The following HS3ST4 variants were observed in gnomAD, a reference collection of about 807,000 sequenced individuals.
HS3ST4 encodes the protein heparan sulfate-glucosamine 3-sulfotransferase 4, also known as heparan sulfate glucosamine 3-O-sulfotransferase 4.
In HS3ST4, 17 loss-of-function variants were observed where a neutral mutation model predicts 29.2. The ratio of observed to expected loss-of-function variants is 0.58; its 90% CI spans 0.40 to 0.87. The LOEUF is 0.87. Among genes scored for constraint, HS3ST4 ranks in the 40% least tolerant of loss-of-function variants. HS3ST4 has a pLI of 0.00. For missense variants in HS3ST4, 627 were observed against 634.5 expected, an observed-to-expected ratio of 0.99 and a Z score of 0.13; for synonymous variants, 314 against 285.7, an observed-to-expected ratio of 1.10 and a Z score of -1.00.
chr16:26,128,997 C>G (rs528470941), intron 1 of HS3ST4, among the ~76,000 whole-genome samples: 2 of 152,294 alleles, frequency 1.3e-5, no homozygotes, highest in African/African-American at 4.8e-5. Context: ...TGTAAGATGC[C>G]CACACACCTC....
intron 1 of HS3ST4, among the ~76,000 whole-genome samples, chr16:26,005,670 G>A (rs1969251121): frequency 6.6e-6 from 1 of 151,886 alleles, no homozygotes; most frequent in South Asian, 2.1e-4. Flanking sequence ...ACACCATCAT[G>A]GTGTCCCTGG....
At chr16:25,760,068 G>A (rs998365050) in intron 1 of HS3ST4, among the ~76,000 whole-genome samples, 1 of 152,086 alleles carries the variant, frequency 6.6e-6, no homozygotes. Flanking sequence ...ACTTCAATCT[G>A]GGAGACTTTG....
chr16:25,709,242 T>C (rs1270853494), intron 1 of HS3ST4, among the ~76,000 whole-genome samples: 1 of 152,154 alleles, frequency 6.6e-6, no homozygotes, highest in East Asian at 1.9e-4. Flanking sequence ...TCCCCAAGTA[T>C]AGGTGGAGAA....
chr16:25,907,049 T>C (rs1042908591), intron 1 of HS3ST4, among the ~76,000 whole-genome samples: 8 of 151,926 alleles, frequency 5.3e-5, no homozygotes, highest in African/African-American at 1.9e-4. Context: ...TTTTAAAAAT[T>C]AGACAGGCAT....
intron 1 of HS3ST4, 84 bp downstream of exon 1, chr16:25,693,235 A>G (rs1966270395): frequency 2.4e-5 from 34 of 1,394,998 alleles, no homozygotes; most frequent in Non-Finnish European, 2.9e-5. Flanking sequence ...CCCTTCGAGC[A>G]TCCAGGCACC....
intron 1 of HS3ST4, among the ~76,000 whole-genome samples, chr16:25,763,021 A>G (rs1262531223): frequency 6.6e-6 from 1 of 152,048 alleles, no homozygotes; most frequent in Non-Finnish European, 1.5e-5. Flanking sequence ...ACACCAAGGT[A>G]CCCAGGAGCC....
At chr16:25,831,048 C>T (rs1967292201) in intron 1 of HS3ST4, among the ~76,000 whole-genome samples, 1 of 152,190 alleles carries the variant, frequency 6.6e-6, no homozygotes, top group African/African-American at 2.4e-5. Context: ...CTTTAGTCTT[C>T]TTTCCTTCTT....
At chr16:25,818,235 T>A (rs1967115098) in intron 1 of HS3ST4, among the ~76,000 whole-genome samples, 2 of 152,190 alleles carry the variant, frequency 1.3e-5, no homozygotes, top group Non-Finnish European at 2.9e-5. Context: ...GGTGGGGCCC[T>A]TGGGGGTGAT....
chr16:26,068,775 A>G (rs769435209), intron 1 of HS3ST4, among the ~76,000 whole-genome samples: 1 of 151,904 alleles, frequency 6.6e-6, no homozygotes, highest in Non-Finnish European at 1.5e-5. Flanking sequence ...CTTTTTTGAT[A>G]TTGTTTTGCT....
At chr16:26,087,930 C>T (rs541980658) in intron 1 of HS3ST4, among the ~76,000 whole-genome samples, 1 of 152,246 alleles carries the variant, frequency 6.6e-6, no homozygotes, top group Non-Finnish European at 1.5e-5. Context: ...ATGCATTCTT[C>T]CCACAGTAGC....
intron 1 of HS3ST4, among the ~76,000 whole-genome samples, chr16:26,012,047 C>T (rs1020553370): frequency 6.6e-6 from 1 of 152,160 alleles, no homozygotes; most frequent in Non-Finnish European, 1.5e-5. Flanking sequence ...ATTAATGCTC[C>T]TTTAATGATT....
At chr16:26,011,145 G>C (rs1309823535) in intron 1 of HS3ST4, among the ~76,000 whole-genome samples, 1 of 152,202 alleles carries the variant, frequency 6.6e-6, no homozygotes, top group African/African-American at 2.4e-5. Context: ...TTGGACTAGA[G>C]AGAGGGATTG....
chr16:25,794,612 C>T (rs1029168369), intron 1 of HS3ST4, among the ~76,000 whole-genome samples: 1 of 151,828 alleles, frequency 6.6e-6, no homozygotes, highest in African/African-American at 2.4e-5. Context: ...AATTTTTGCT[C>T]CTTTGACAGT....
intron 1 of HS3ST4, among the ~76,000 whole-genome samples, chr16:25,875,915 T>A (rs761191150): frequency 6.6e-6 from 1 of 152,076 alleles, no homozygotes; most frequent in Non-Finnish European, 1.5e-5. Context: ...TGCCCAACAA[T>A]AGGTATATTA....
chr16:25,692,887 C>A lies in HS3ST4; in HGVS notation c.470C>A (p.Pro157Gln), dbSNP rs760766574. 1.3e-6 allele frequency: 2 copies of A among 1,563,784 alleles called. No homozygotes were observed. The highest frequency in any genetic ancestry group is 1.7e-6 in the Non-Finnish European group (2 of 1,155,446). ...SEMITAQSAL[P>Q]EREAQESSTT... ...ATGATCACGGCTCAGAGCGCGCTGC[C>A]GGAGAGGGAAGCGCAGGAGTCCAGC... The change falls in exon 1 of 2, where the codon CCG becomes CAG. Residue 157 changes from proline to glutamine, a missense_variant. Around this residue, in one of 2 missense-constraint regions of HS3ST4, gnomAD observed 402 missense variants for 340.8 expected, o/e 1.18. Coordinates refer to ENST00000331351, the MANE Select transcript of HS3ST4 (RefSeq NM_006040.3).
intron 1 of HS3ST4, among the ~76,000 whole-genome samples, chr16:25,967,651 A>G (rs1483119441): frequency 6.6e-6 from 1 of 152,234 alleles, no homozygotes; most frequent in African/African-American, 2.4e-5. Flanking sequence ...AAATCATAAT[A>G]AGGTTATCAC....
chr16:26,069,281 T>C (rs1441395005), intron 1 of HS3ST4, among the ~76,000 whole-genome samples: 1 of 152,234 alleles, frequency 6.6e-6, no homozygotes, highest in East Asian at 1.9e-4. Flanking sequence ...TGTTGCAGCC[T>C]CTTCCAACAA....
intron 1 of HS3ST4, among the ~76,000 whole-genome samples, chr16:25,966,707 G>A (rs1328967512): frequency 6.6e-6 from 1 of 152,172 alleles, no homozygotes; most frequent in Non-Finnish European, 1.5e-5. Context: ...TGCATAGCTT[G>A]GTGGCAGGGA....
At chr16:25,742,584 A>G (rs1458284161) in intron 1 of HS3ST4, among the ~76,000 whole-genome samples, 1 of 152,220 alleles carries the variant, frequency 6.6e-6, no homozygotes, top group Non-Finnish European at 1.5e-5. Flanking sequence ...TAGAAGAATA[A>G]GGGTGAATAG....
Sources: gnomAD v4.1 joint callset for allele counts (sites outside exome capture counted in the v4.1 genomes callset) on GRCh38, gnomAD v4.1.1 for gene constraint, gnomAD v4.1.1 regional missense constraint, MANE v1.5 for transcripts, NCBI Gene and HGNC (gene_info 2026-07-23, HGNC 2026-07-21) for gene names.